ADCY8: variants seen among roughly 807,000 people sequenced by gnomAD.
ADCY8 encodes adenylate cyclase type 8.
A neutral mutation model predicts 119.7 loss-of-function variants in ADCY8; 51 were observed. The observed-to-expected ratio is 0.43, with a 90% CI of 0.34 to 0.54. ADCY8 has a LOEUF of 0.54. Ranked by LOEUF, ADCY8 falls within the 20% of genes least tolerant of loss-of-function variation. The pLI, the probability that ADCY8 is intolerant of heterozygous loss-of-function variation, is 0.03. For synonymous variants in ADCY8, 665 were observed against 651.0 expected (o/e 1.02, Z -0.33); for missense variants, 1,383 against 1,598.8 (o/e 0.87, Z 2.30).
chr8:130,784,080 G>A (rs982146659), intron 16 of ADCY8, among the ~76,000 whole-genome samples: 7 of 151,944 alleles, frequency 4.6e-5, no homozygotes, highest in East Asian at 3.9e-4. Flanking sequence ...CATCAATTCC[G>A]TAGTGTATGT....
In ADCY8 at chr8:130,909,960, C is replaced by T. The variant is rs531113511; in HGVS notation, c.1482-94G>A. ...CTTTTCTTTTTTTTTTTTTTTGAGA[C>T]GGAGTTTTGCTCTGTCGCCCAGGCT... On this transcript the variant is annotated intron_variant, in intron 5 of 17. Transcript: ENST00000286355. 9.4e-5 allele frequency: 113 copies of T among 1,197,352 alleles called. 1 individual carries two copies. In the East Asian group the frequency reaches 1.3e-3, roughly 14 times the overall value. 74.2% of individuals were successfully genotyped at this position (1,197,352 alleles called of 1,614,324 possible). A position where few individuals can be genotyped will look rare whatever the true frequency, so the allele number is the denominator to read the frequency against.
At chr8:130,951,739 A>T (rs1180277958) in intron 3 of ADCY8, 129 bp downstream of exon 3, 2 of 1,089,732 alleles carry the variant, frequency 1.8e-6, no homozygotes, top group African/African-American at 3.1e-5. Context: ...ATCACTAGGT[A>T]ATGAATTAAT....
intron 11 of ADCY8, 115 bp downstream of exon 11, chr8:130,847,309 G>C: frequency 2.9e-6 from 2 of 679,348 alleles, no homozygotes; most frequent in Non-Finnish European, 5.0e-6. Context: ...GGCAGAAGAA[G>C]GAAAACAGGC....
chr8:130,990,430 T>C lies in ADCY8; in HGVS notation c.1073A>G (p.Glu358Gly). The change falls in exon 2 of 18, where the codon GAG (glutamate) becomes GGG (glycine). Residue 358 changes from glutamate to glycine, a missense_variant. By Grantham distance (98) the Glu-to-Gly change is moderately conservative. Around this residue, in one of 2 missense-constraint regions of ADCY8, gnomAD observed 928 missense variants for 1,163.5 expected, o/e 0.80. Coordinates refer to ENST00000286355, the MANE Select transcript of ADCY8 (RefSeq NM_001115.3). ...QAFLETRRCV[E>G]ARLRLETENQ... ...CTCTGTCTCCAGGCGCAGCCTGGCC[T>C]CCACACACCTCCGAGTCTCCAGGAA... 1 of 1,614,208 alleles carries C rather than the reference T, an allele frequency of 6.2e-7. No individual in the cohort carries two copies. The highest frequency in any genetic ancestry group is 8.5e-7 in the Non-Finnish European group (1 of 1,180,024).
At chr8:130,957,866 G>A (rs1821478784) in intron 2 of ADCY8, among the ~76,000 whole-genome samples, 1 of 152,224 alleles carries the variant, frequency 6.6e-6, no homozygotes, top group Non-Finnish European at 1.5e-5. Flanking sequence ...GGGAACCTCT[G>A]CCTTCTGGAT....
chr8:130,990,798 A>G (rs920162098), intron 1 of ADCY8: 4 of 285,722 alleles, frequency 1.4e-5, no homozygotes, highest in Non-Finnish European at 2.6e-5. Context: ...TTCATGGGAA[A>G]CCTGCTGTGA....
intron 5 of ADCY8, among the ~76,000 whole-genome samples, chr8:130,923,952 C>T (rs1194191686): frequency 2.0e-5 from 3 of 152,134 alleles, no homozygotes; most frequent in Middle Eastern, 3.2e-3. Flanking sequence ...TGACATTTTC[C>T]TCTTTCAATA....
chr8:131,028,230 G>A (rs187701797), intron 1 of ADCY8, among the ~76,000 whole-genome samples: 2 of 152,346 alleles, frequency 1.3e-5, no homozygotes, highest in Admixed American at 1.3e-4. Flanking sequence ...ATACTTACAT[G>A]GTTTCAAAAA....
chr8:130,828,062 C>G (rs1020737956), intron 12 of ADCY8, among the ~76,000 whole-genome samples: 5 of 152,128 alleles, frequency 3.3e-5, no homozygotes, highest in Non-Finnish European at 7.4e-5. Context: ...GGATTTCCAG[C>G]TGGGGCTAAC....
At chr8:130,869,966 C>CTTCCTTCTTCCTT (rs1563703171) in intron 8 of ADCY8, among the ~76,000 whole-genome samples, 3 of 57,920 alleles carry the variant, frequency 5.2e-5, no homozygotes, top group African/African-American at 2.1e-4. Flanking sequence ...CTTCTTCCTT[C>CTTCCTTCTTCCTT]TTCCTTCTTC....
intron 16 of ADCY8, among the ~76,000 whole-genome samples, 197 bp from the exon 17 acceptor site, chr8:130,784,002 AG>A (rs1747546990): frequency 6.6e-6 from 1 of 152,194 alleles, no homozygotes; most frequent in Non-Finnish European, 1.5e-5. Flanking sequence ...TGCTTGCAAG[AG>A]TGTAGTATAT....
At chr8:131,020,186 A>G (rs1319410590) in intron 1 of ADCY8, among the ~76,000 whole-genome samples, 1 of 152,214 alleles carries the variant, frequency 6.6e-6, no homozygotes, top group African/African-American at 2.4e-5. Context: ...CTTAAGATCA[A>G]TAAGGAGCTA....
At chr8:131,024,829 A>G (rs564806500) in intron 1 of ADCY8, among the ~76,000 whole-genome samples, 16 of 152,322 alleles carry the variant, frequency 1.1e-4, no homozygotes, top group Non-Finnish European at 1.6e-4. Flanking sequence ...TTGCTAAATC[A>G]TTACTCATAA....
intron 14 of ADCY8, among the ~76,000 whole-genome samples, chr8:130,805,968 C>A (rs528999241): frequency 1.5e-4 from 23 of 152,312 alleles, no homozygotes; most frequent in Non-Finnish European, 2.5e-4. Flanking sequence ...GGTCCAGTGA[C>A]CCTGTCTTTC....
chr8:130,885,960 A>G lies in ADCY8; in HGVS notation c.1912-1199T>C, dbSNP rs1307737938. Among the ~76,000 whole-genome samples the G allele has an allele frequency of 3.9e-5, 6 of 151,990 alleles. No individual in the cohort carries two copies. The East Asian group carries it at 1.2e-3, about 30-fold the overall frequency. On this transcript the variant is annotated intron_variant, in intron 7 of 17. Coordinates refer to ENST00000286355, the MANE Select transcript of ADCY8 (RefSeq NM_001115.3). The stretch of plus-strand genomic sequence containing the variant: ...GCAGATCCTCTTGCCAAACCTTCAG[A>G]TATCGATGAGCCTCAGAGAGACTTG...
intron 3 of ADCY8, among the ~76,000 whole-genome samples, chr8:130,948,182 C>G (rs547137926): frequency 2.1e-4 from 32 of 152,264 alleles, no homozygotes; most frequent in South Asian, 8.3e-4. Flanking sequence ...CATGAATAAA[C>G]TTGATTGAGT....
intron 7 of ADCY8, among the ~76,000 whole-genome samples, chr8:130,891,385 G>T (rs1819182062): frequency 6.6e-6 from 1 of 152,088 alleles, no homozygotes; most frequent in Non-Finnish European, 1.5e-5. Flanking sequence ...TGGAAGAGAA[G>T]GCTTCTACTT....
At chr8:131,027,486 G>A (rs745719090) in intron 1 of ADCY8, among the ~76,000 whole-genome samples, 3 of 152,184 alleles carry the variant, frequency 2.0e-5, no homozygotes, top group African/African-American at 7.2e-5. Flanking sequence ...GTGGTTCAGC[G>A]GAGCATGGGG....
chr8:130,921,043 G>T (rs1421884755), intron 5 of ADCY8, among the ~76,000 whole-genome samples: 4 of 152,176 alleles, frequency 2.6e-5, no homozygotes, highest in Non-Finnish European at 4.4e-5. Flanking sequence ...TTTCTCCAGA[G>T]AACCCTAACA....
Sources: allele counts gnomAD v4.1 joint callset (sites outside exome capture counted in the v4.1 genomes callset), GRCh38; gene constraint gnomAD v4.1.1; regional missense constraint gnomAD v4.1.1; transcripts MANE v1.5; gene names NCBI Gene and HGNC (gene_info 2026-07-23, HGNC 2026-07-21).